Variants in PTPRT observed in about 807,000 individuals in gnomAD.
PTPRT encodes the protein receptor-type tyrosine-protein phosphatase T.
In PTPRT, 56 loss-of-function variants were observed where a neutral mutation model predicts 176.8. The observed-to-expected ratio is 0.32, with a 90% CI of 0.26 to 0.40. The LOEUF (loss-of-function observed/expected upper bound fraction) is 0.40. Ranked by LOEUF, PTPRT falls within the 10% of genes least tolerant of loss-of-function variation. PTPRT has a pLI of 1.00. For missense variants in PTPRT, 1,540 were observed against 1,908.2 expected (o/e 0.81, Z 3.60); for synonymous variants, 783 against 739.0 (o/e 1.06, Z -0.96).
chr20:42,109,808 G>A (rs1038076191), intron 23 of PTPRT, among the ~76,000 whole-genome samples: 2 of 152,192 alleles, frequency 1.3e-5, no homozygotes, highest in Non-Finnish European at 2.9e-5. Context: ...TGCTGCCAGT[G>A]TTCAGCCTGC....
At chr20:43,019,798 C>T (rs1482705007) in intron 1 of PTPRT, among the ~76,000 whole-genome samples, 2 of 151,844 alleles carry the variant, frequency 1.3e-5, no homozygotes, top group Non-Finnish European at 2.9e-5. Context: ...AGAGTGACGT[C>T]TCTGGGTCTC....
chr20:43,043,385 C>G (rs2146216870), intron 1 of PTPRT, among the ~76,000 whole-genome samples: 1 of 151,010 alleles, frequency 6.6e-6, no homozygotes, highest in East Asian at 2.0e-4. Flanking sequence ...GGAATTAGGG[C>G]AAGAAGGAAA....
At chr20:42,132,031 C>T (rs1988146750) in intron 18 of PTPRT, among the ~76,000 whole-genome samples, 1 of 152,186 alleles carries the variant, frequency 6.6e-6, no homozygotes, top group African/African-American at 2.4e-5. Context: ...TTTCAGAAGG[C>T]TCTCCATGCC....
chr20:42,394,075 G>A (rs569824371), intron 9 of PTPRT, among the ~76,000 whole-genome samples: 102 of 149,762 alleles, frequency 6.8e-4, no homozygotes, highest in African/African-American at 2.4e-3. Flanking sequence ...ACTACTTGAT[G>A]GATATGCCTT....
At chr20:42,896,079 TTTAA>T (rs1161426494) in intron 1 of PTPRT, among the ~76,000 whole-genome samples, 2 of 152,036 alleles carry the variant, frequency 1.3e-5, no homozygotes, top group Non-Finnish European at 2.9e-5. Flanking sequence ...GCTCTTTAGA[TTTAA>T]TTAAACACTT....
At chr20:42,762,626 G>C (rs956831455) in intron 5 of PTPRT, among the ~76,000 whole-genome samples, 7 of 152,210 alleles carry the variant, frequency 4.6e-5, no homozygotes, top group African/African-American at 1.7e-4. Context: ...AGTCCTTACT[G>C]AGCCCCCTTG....
At chr20:42,913,359 G>C (rs1255841514) in intron 1 of PTPRT, among the ~76,000 whole-genome samples, 4 of 152,104 alleles carry the variant, frequency 2.6e-5, no homozygotes, top group Non-Finnish European at 4.4e-5. Context: ...TGGGTGGTTT[G>C]CTGGCAATAT....
intron 7 of PTPRT, among the ~76,000 whole-genome samples, chr20:42,673,059 C>T (rs1160551419): frequency 6.6e-6 from 1 of 152,242 alleles, no homozygotes; most frequent in Non-Finnish European, 1.5e-5. Context: ...TAGTCACCAA[C>T]CTCCTTACTA....
chr20:43,062,611 G>A (rs892853689), intron 1 of PTPRT, among the ~76,000 whole-genome samples: 5 of 152,154 alleles, frequency 3.3e-5, no homozygotes, highest in African/African-American at 1.2e-4. Flanking sequence ...TCACGTTAAC[G>A]CTATGCTAGA....
At chr20:42,316,712 T>G (rs1428867965) in intron 11 of PTPRT, among the ~76,000 whole-genome samples, 2 of 152,182 alleles carry the variant, frequency 1.3e-5, no homozygotes, top group Non-Finnish European at 2.9e-5. Flanking sequence ...CCAGACCCCA[T>G]GCTATTGCAC....
chr20:43,151,263 G>A (rs2014343432), intron 1 of PTPRT, among the ~76,000 whole-genome samples: 1 of 149,738 alleles, frequency 6.7e-6, no homozygotes, highest in Non-Finnish European at 1.5e-5. Flanking sequence ...CTGAGATCGT[G>A]CCATTGCACA....
At chr20:42,648,731 G>T (rs779049665) in intron 7 of PTPRT, among the ~76,000 whole-genome samples, 1 of 151,210 alleles carries the variant, frequency 6.6e-6, no homozygotes, top group Non-Finnish European at 1.5e-5. Flanking sequence ...GGCACATCCT[G>T]TATCAGTCCA....
At chr20:43,119,143 G>A (rs760279723) in intron 1 of PTPRT, among the ~76,000 whole-genome samples, 2 of 152,146 alleles carry the variant, frequency 1.3e-5, no homozygotes, top group Non-Finnish European at 2.9e-5. Context: ...CCATAATGTT[G>A]TTTTTCAAAA....
intron 27 of PTPRT, among the ~76,000 whole-genome samples, chr20:42,096,374 AG>A (rs1028011396): frequency 6.6e-6 from 1 of 152,122 alleles, no homozygotes; most frequent in Non-Finnish European, 1.5e-5. Flanking sequence ...AGGCCGAGGC[AG>A]GGGGAACACT....
chr20:42,262,503 G>A (rs1032877223), intron 13 of PTPRT, among the ~76,000 whole-genome samples: 1 of 152,232 alleles, frequency 6.6e-6, no homozygotes, highest in African/African-American at 2.4e-5. Context: ...CAGTCTCTAG[G>A]AAGCTTGGCA....
At chr20:42,285,462 T>C (rs1384842240) in intron 12 of PTPRT, among the ~76,000 whole-genome samples, 2 of 152,066 alleles carry the variant, frequency 1.3e-5, no homozygotes, top group Admixed American at 1.3e-4. Flanking sequence ...TTTCTAAATA[T>C]GTATCTTCAC....
chr20:42,272,998 T>C (rs1404168290), intron 13 of PTPRT, among the ~76,000 whole-genome samples: 1 of 152,216 alleles, frequency 6.6e-6, no homozygotes, highest in East Asian at 1.9e-4. Context: ...CATTCTGAAA[T>C]AGCATACCCT....
chr20:43,181,907 G>C (rs117099494), intron 1 of PTPRT, among the ~76,000 whole-genome samples: 2,039 of 152,266 alleles, frequency 0.013, 24 homozygotes, highest in Middle Eastern at 0.031. Context: ...TGGTAAATAA[G>C]AACCTGGTTT....
chr20:42,276,557 AT>A (rs1227516366), intron 13 of PTPRT, among the ~76,000 whole-genome samples: 10 of 86,090 alleles, frequency 1.2e-4, no homozygotes, highest in Non-Finnish European at 2.1e-4. Context: ...ATATATATAT[AT>A]AATGTTCTTG....
Sources: gnomAD v4.1 joint callset for allele counts (sites outside exome capture counted in the v4.1 genomes callset) on GRCh38, gnomAD v4.1.1 for gene constraint, MANE v1.5 for transcripts, NCBI Gene and HGNC (gene_info 2026-07-23, HGNC 2026-07-21) for gene names.